Variants in SLC35F1 observed in about 807,000 individuals in gnomAD.
The protein encoded by SLC35F1 is chromosome 6 open reading frame 169.
SLC35F1 carries 14 observed loss-of-function variants against 48.7 expected under a neutral mutation model. That is an observed-to-expected ratio of 0.29 (90% CI 0.19 to 0.45). The LOEUF (loss-of-function observed/expected upper bound fraction) is 0.45, where lower values mean the gene tolerates loss of function less well. Among genes scored for constraint, SLC35F1 ranks in the 20% least tolerant of loss-of-function variants. The pLI is 1.00. For missense variants in SLC35F1, 404 were observed against 500.0 expected (o/e 0.81, Z 1.83); for synonymous variants, 190 against 202.2 (o/e 0.94, Z 0.51).
intron 1 of SLC35F1, among the ~76,000 whole-genome samples, chr6:117,955,033 T>C (rs927622148): frequency 6.6e-6 from 1 of 152,240 alleles, no homozygotes; most frequent in African/African-American, 2.4e-5. Context: ...ATTCCTAGAC[T>C]ATTCCAAGTA....
chr6:118,182,233 C>A (rs970300401), intron 2 of SLC35F1, among the ~76,000 whole-genome samples: 2 of 151,992 alleles, frequency 1.3e-5, no homozygotes, highest in African/African-American at 4.8e-5. Context: ...TGCCTGTAAT[C>A]CCATCACTTT....
intron 1 of SLC35F1, among the ~76,000 whole-genome samples, chr6:117,971,848 A>G (rs1032110156): frequency 9.2e-5 from 14 of 151,932 alleles, no homozygotes; most frequent in Non-Finnish European, 2.9e-5. Context: ...CCAGGAAACC[A>G]TTTTTCCCTC....
At chr6:118,189,987 T>C (rs1026048366) in intron 2 of SLC35F1, among the ~76,000 whole-genome samples, 1 of 152,186 alleles carries the variant, frequency 6.6e-6, no homozygotes, top group Non-Finnish European at 1.5e-5. Flanking sequence ...TAAGTTAAGT[T>C]TTCAATCTTG....
intron 2 of SLC35F1, among the ~76,000 whole-genome samples, chr6:118,221,329 C>T (rs115307658): frequency 6.6e-6 from 1 of 152,110 alleles, no homozygotes; most frequent in Non-Finnish European, 1.5e-5. Context: ...AAGGCACCTC[C>T]GCAAAAACAG....
At chr6:118,200,822 C>T (rs1554235869) in intron 2 of SLC35F1, among the ~76,000 whole-genome samples, 2 of 152,166 alleles carry the variant, frequency 1.3e-5, no homozygotes, top group South Asian at 2.1e-4. Flanking sequence ...ATCCTGCAAT[C>T]GTCAACATCA....
intron 1 of SLC35F1, among the ~76,000 whole-genome samples, chr6:118,008,418 C>G (rs1777203613): frequency 6.6e-6 from 1 of 152,128 alleles, no homozygotes; most frequent in Non-Finnish European, 1.5e-5. Context: ...CATGCCCATG[C>G]ATGACATTGA....
chr6:118,146,541 T>C (rs2114452909), intron 1 of SLC35F1, among the ~76,000 whole-genome samples: 1 of 152,318 alleles, frequency 6.6e-6, no homozygotes, highest in Non-Finnish European at 1.5e-5. Context: ...CTATGTTCTC[T>C]AGAAAACATT....
chr6:118,094,727 G>A (rs991539258), intron 1 of SLC35F1, among the ~76,000 whole-genome samples: 1 of 152,088 alleles, frequency 6.6e-6, no homozygotes, highest in Non-Finnish European at 1.5e-5. Context: ...CAGCACTTTG[G>A]GAGGGCGAGG....
intron 7 of SLC35F1, among the ~76,000 whole-genome samples, chr6:118,304,954 C>A (rs73768634): frequency 0.013 from 1,972 of 149,094 alleles, 86 homozygotes; most frequent in African/African-American, 0.047. Flanking sequence ...CTAAAACTTA[C>A]ACAGAGAGAA....
chr6:118,221,689 T>C (rs1775153582), intron 2 of SLC35F1, among the ~76,000 whole-genome samples: 1 of 152,236 alleles, frequency 6.6e-6, no homozygotes, highest in Non-Finnish European at 1.5e-5. Flanking sequence ...CAAAACAGTA[T>C]AATGAAGATC....
chr6:118,313,926 G>T, intron 7 of SLC35F1, 102 bp from the exon 8 acceptor site: 1 of 1,060,886 alleles, frequency 9.4e-7, no homozygotes, highest in East Asian at 2.5e-5. Context: ...CATGCTGCCT[G>T]TTCTGAGAAG....
At chr6:117,947,986 C>T (rs1375719134) in intron 1 of SLC35F1, among the ~76,000 whole-genome samples, 2 of 151,984 alleles carry the variant, frequency 1.3e-5, no homozygotes, top group African/African-American at 2.4e-5. Flanking sequence ...AGACGAGGAA[C>T]CAGCAAAGAG....
chr6:118,077,649 A>G (rs1772841881), intron 1 of SLC35F1, among the ~76,000 whole-genome samples: 1 of 152,228 alleles, frequency 6.6e-6, no homozygotes, highest in Non-Finnish European at 1.5e-5. Context: ...AAAATGCTGG[A>G]CAGCAGATTG....
chr6:118,121,733 C>T (rs909574695), intron 1 of SLC35F1, among the ~76,000 whole-genome samples: 9 of 152,166 alleles, frequency 5.9e-5, no homozygotes, highest in African/African-American at 2.2e-4. Context: ...TGTATGGTCT[C>T]CCAAGTTCTT....
At chr6:118,260,260 T>A (rs1475485218) in intron 3 of SLC35F1, among the ~76,000 whole-genome samples, 2 of 152,062 alleles carry the variant, frequency 1.3e-5, no homozygotes, top group African/African-American at 4.8e-5. Context: ...GTATGGAGTT[T>A]CTTTTGAGGA....
At chr6:118,111,523 C>CA in intron 1 of SLC35F1, among the ~76,000 whole-genome samples, 1 of 152,030 alleles carries the variant, frequency 6.6e-6, no homozygotes, top group Non-Finnish European at 1.5e-5. Context: ...GTGACAGAAA[C>CA]AAAGACTTTC....
chr6:118,117,106 A>G (rs1207790886), intron 1 of SLC35F1, among the ~76,000 whole-genome samples: 3 of 152,204 alleles, frequency 2.0e-5, no homozygotes, highest in Admixed American at 6.6e-5. Context: ...GGCGTTATGT[A>G]GGCCCCACTC....
At chr6:118,180,321 A>AT (rs1490495627) in intron 2 of SLC35F1, among the ~76,000 whole-genome samples, 5 of 152,098 alleles carry the variant, frequency 3.3e-5, no homozygotes, top group African/African-American at 1.2e-4. Flanking sequence ...TGAGCTACTA[A>AT]TTTTTTAACA....
intron 2 of SLC35F1, among the ~76,000 whole-genome samples, chr6:118,228,971 T>C (rs1301571235): frequency 6.6e-6 from 1 of 151,142 alleles, no homozygotes; most frequent in African/African-American, 2.4e-5. Context: ...GCTGAATTCA[T>C]CTAGGGTGCT....
Sources: gnomAD v4.1 joint callset for allele counts (sites outside exome capture counted in the v4.1 genomes callset) on GRCh38, gnomAD v4.1.1 for gene constraint, MANE v1.5 for transcripts, NCBI Gene and HGNC (gene_info 2026-07-23, HGNC 2026-07-21) for gene names.